The following ZMIZ1 variants were observed in gnomAD, a reference collection of about 807,000 sequenced individuals.
The protein encoded by ZMIZ1 is zinc finger MIZ-type containing 1, also known as zinc finger MIZ domain-containing protein 1.
ZMIZ1 carries 17 observed loss-of-function variants against 113.9 expected under a neutral mutation model. The ratio of observed to expected loss-of-function variants is 0.15; its 90% CI spans 0.10 to 0.22. The LOEUF (loss-of-function observed/expected upper bound fraction) is 0.22. ZMIZ1 is among the 10% of genes least tolerant of loss of function. ZMIZ1 has a pLI of 1.00. For missense variants in ZMIZ1, 1,059 were observed against 1,477.8 expected, an observed-to-expected ratio of 0.72 and a Z score of 4.65; for synonymous variants, 607 against 603.1, an observed-to-expected ratio of 1.01 and a Z score of -0.09.
chr10:79,304,643 G>C (rs1174927712), intron 19 of ZMIZ1, among the ~76,000 whole-genome samples: 1 of 152,214 alleles, frequency 6.6e-6, no homozygotes, highest in Non-Finnish European at 1.5e-5. Flanking sequence ...CTGGAACCTG[G>C]GTGTGGTGGG....
chr10:79,205,582 G>A (rs932497238), intron 5 of ZMIZ1, among the ~76,000 whole-genome samples: 25 of 152,172 alleles, frequency 1.6e-4, no homozygotes, highest in Non-Finnish European at 5.9e-5. Context: ...GTTCCTTGTC[G>A]TTTCTCAACT....
At chr10:79,120,167 G>T (rs926016390) in intron 2 of ZMIZ1, among the ~76,000 whole-genome samples, 11 of 152,198 alleles carry the variant, frequency 7.2e-5, no homozygotes, top group African/African-American at 2.7e-4. Context: ...GGTGGTGAGT[G>T]CATAGATAAT....
chr10:79,238,908 C>T (rs2132818217), intron 7 of ZMIZ1, among the ~76,000 whole-genome samples: 1 of 152,312 alleles, frequency 6.6e-6, no homozygotes, highest in East Asian at 1.9e-4. Context: ...CTGCTTATTA[C>T]ACCAGGAGAG....
In ZMIZ1 at chr10:79,290,971, C is replaced by G. The variant is rs1853455516; in HGVS notation, c.553C>G (p.Pro185Ala). Residue 185 changes from proline to alanine, a missense_variant, in exon 10 of 25, where the codon CCT (proline) becomes GCT (alanine). Physicochemically the swap from Pro to Ala is conservative, Grantham distance 27. Transcript: ENST00000334512. ...TCTCTGCCCACAGGTCCTTGGGAAC[C>G]CTATGGCCAATGCCAACAACCCCAT... ...NTSQSQVLGN[P>A]MANANNPMNP... 1 of 1,613,832 alleles carries G rather than the reference C, an allele frequency of 6.2e-7. No homozygotes were observed. The highest frequency in any genetic ancestry group is 8.5e-7 in the Non-Finnish European group (1 of 1,179,902).
At chr10:79,187,734 T>G (rs1378548841) in intron 4 of ZMIZ1, among the ~76,000 whole-genome samples, 2 of 152,168 alleles carry the variant, frequency 1.3e-5, no homozygotes, top group East Asian at 3.9e-4. Flanking sequence ...AGGACACACC[T>G]TGTGTCCTGT....
intron 3 of ZMIZ1, among the ~76,000 whole-genome samples, chr10:79,157,549 G>GTCCAGCTCAATA (rs1462463436): frequency 2.0e-5 from 3 of 152,086 alleles, no homozygotes; most frequent in Admixed American, 2.0e-4. Flanking sequence ...CCAGCTCAAT[G>GTCCAGCTCAATA]TCCAGAGCAC....
intron 15 of ZMIZ1, 41 bp from the exon 16 acceptor site, chr10:79,299,009 G>T: frequency 1.3e-6 from 2 of 1,576,214 alleles, no homozygotes; most frequent in Non-Finnish European, 8.6e-7. Context: ...ACCCATGGCA[G>T]CTGAGGCTTG....
At chr10:79,136,448 C>T (rs1283419630) in intron 2 of ZMIZ1, among the ~76,000 whole-genome samples, 4 of 152,190 alleles carry the variant, frequency 2.6e-5, no homozygotes, top group Non-Finnish European at 5.9e-5. Context: ...GCTGGGTGCT[C>T]AGTGCATCTG....
intron 5 of ZMIZ1, among the ~76,000 whole-genome samples, chr10:79,206,243 G>T (rs1564524764): frequency 6.6e-6 from 1 of 152,238 alleles, no homozygotes; most frequent in Non-Finnish European, 1.5e-5. Context: ...GGGCACTCGG[G>T]TGCCAGAACC....
intron 2 of ZMIZ1, among the ~76,000 whole-genome samples, chr10:79,127,948 T>C (rs1844587758): frequency 6.6e-6 from 1 of 152,234 alleles, no homozygotes; most frequent in South Asian, 2.1e-4. Flanking sequence ...AGCCAGCGCC[T>C]GCCTGCCCCC....
intron 2 of ZMIZ1, among the ~76,000 whole-genome samples, chr10:79,132,890 A>G (rs1204708323): frequency 6.6e-6 from 1 of 152,042 alleles, no homozygotes; most frequent in East Asian, 1.9e-4. Context: ...TCCCATGCAG[A>G]CAGACCTCCT....
At chr10:79,305,139 C>T in intron 19 of ZMIZ1, 25 bp from the exon 20 acceptor site, 1 of 1,613,450 alleles carries the variant, frequency 6.2e-7, no homozygotes, top group Non-Finnish European at 8.5e-7. Context: ...CCTGGTCTCA[C>T]CTGTGTCTGT....
rs542455764 is a variant in ZMIZ1, at chr10:79,270,787, A to G, written c.281-6394A>G. ...AGTGACTATCTGGATCTTATCTACT[A>G]AAAGCCAGGGCCCTAGAGGGGGTCA... On this transcript the variant is annotated intron_variant, in intron 7 of 24. Coordinates refer to ENST00000334512, the MANE Select transcript of ZMIZ1 (RefSeq NM_020338.4). 1.7e-4 allele frequency among the ~76,000 whole-genome samples: 26 copies of G among 152,208 alleles called. No homozygotes were observed. In the South Asian group the frequency reaches 5.2e-3, roughly 30 times the overall value.
At chr10:79,213,053 C>T (rs918265462) in intron 6 of ZMIZ1, among the ~76,000 whole-genome samples, 3 of 152,114 alleles carry the variant, frequency 2.0e-5, no homozygotes, top group Non-Finnish European at 2.9e-5. Context: ...CTGCCACCCC[C>T]ACCCCGCCAC....
chr10:79,142,342 C>T (rs1005860240), intron 3 of ZMIZ1, among the ~76,000 whole-genome samples: 23 of 152,118 alleles, frequency 1.5e-4, no homozygotes, highest in African/African-American at 5.6e-4. Flanking sequence ...CAGATGAGAT[C>T]ACTCGAGAGT....
intron 6 of ZMIZ1, 89 bp downstream of exon 6, chr10:79,208,538 G>C: frequency 9.0e-7 from 1 of 1,110,150 alleles, no homozygotes; most frequent in Non-Finnish European, 1.3e-6. Flanking sequence ...GAGGTTGTCA[G>C]ACATTGGGAG....
rs138898172 is a variant in ZMIZ1 at position 79,268,619 on chromosome 10, C to G, written c.281-8562C>G. Among the ~76,000 whole-genome samples, 551 of 152,310 alleles carry G rather than the reference C, an allele frequency of 3.6e-3. 2 individuals carry two copies. Among genetic ancestry groups the G allele is most frequent in the African/African-American group, 0.013 (524 of 41,558 alleles). On this transcript the variant is annotated intron_variant, in intron 7 of 24. Transcript: ENST00000334512. The stretch of plus-strand genomic sequence containing the variant: ...GGTGCCAGGGTTGTAGAAGTGAAGC[C>G]CCCAAATCCGATCGTGGCCCCAGGG...
At chr10:79,085,784 C>G (rs1010871668) in intron 1 of ZMIZ1, among the ~76,000 whole-genome samples, 19 of 152,230 alleles carry the variant, frequency 1.2e-4, no homozygotes, top group Non-Finnish European at 1.8e-4. Flanking sequence ...AGAAGTGCCT[C>G]TCCCTCTGTT....
intron 4 of ZMIZ1, among the ~76,000 whole-genome samples, chr10:79,184,877 G>T (rs189880222): frequency 1.3e-5 from 2 of 152,258 alleles, no homozygotes; most frequent in Admixed American, 1.3e-4. Context: ...CCTCCTCAGG[G>T]TCCTCAGCTG....
Sources: gnomAD v4.1 joint callset for allele counts (sites outside exome capture counted in the v4.1 genomes callset) on GRCh38, gnomAD v4.1.1 for gene constraint, MANE v1.5 for transcripts, NCBI Gene and HGNC (gene_info 2026-07-23, HGNC 2026-07-21) for gene names.